Variants in GALNT7 observed in about 807,000 individuals in gnomAD.
The protein encoded by GALNT7 is polypeptide N-acetylgalactosaminyltransferase 7.
A neutral mutation model predicts 82.1 loss-of-function variants in GALNT7; 60 were observed. The observed-to-expected ratio is 0.73, with a 90% confidence interval of 0.59 to 0.91. The LOEUF (loss-of-function observed/expected upper bound fraction) is 0.91, where lower values mean the gene tolerates loss of function less well. GALNT7 is among the 40% of genes least tolerant of loss of function. GALNT7 has a pLI of 0.00. For synonymous variants in GALNT7, 243 were observed against 275.1 expected (o/e 0.88, Z 1.15); for missense variants, 660 against 804.2 (o/e 0.82, Z 2.17).
intron 1 of GALNT7, among the ~76,000 whole-genome samples, chr4:173,210,563 C>A (rs1733246389): frequency 6.6e-6 from 1 of 152,136 alleles, no homozygotes; most frequent in African/African-American, 2.4e-5. Context: ...TAGCGATCCA[C>A]CTGCCTCGGC....
At chr4:173,258,889 T>C (rs1735144609) in intron 2 of GALNT7, among the ~76,000 whole-genome samples, 1 of 152,230 alleles carries the variant, frequency 6.6e-6, no homozygotes, top group African/African-American at 2.4e-5. Flanking sequence ...TAGTGTGTCA[T>C]TATTGCAGAA....
At chr4:173,194,481 A>C (rs566390964) in intron 1 of GALNT7, among the ~76,000 whole-genome samples, 5 of 152,388 alleles carry the variant, frequency 3.3e-5, no homozygotes, top group Admixed American at 2.0e-4. Flanking sequence ...ATGTAAATTT[A>C]GGAATTTATC....
intron 8 of GALNT7, among the ~76,000 whole-genome samples, chr4:173,309,189 T>A (rs1489473100): frequency 6.6e-6 from 1 of 152,034 alleles, no homozygotes; most frequent in African/African-American, 2.4e-5. Context: ...AGGATGAGCA[T>A]CCTCCCGGGC....
At chr4:173,276,254 C>T (rs1735906755) in intron 2 of GALNT7, among the ~76,000 whole-genome samples, 1 of 152,134 alleles carries the variant, frequency 6.6e-6, no homozygotes, top group Admixed American at 6.5e-5. Flanking sequence ...TGACATAATA[C>T]ATGAAAATGC....
chr4:173,197,940 C>T (rs887471408), intron 1 of GALNT7, among the ~76,000 whole-genome samples: 4 of 152,210 alleles, frequency 2.6e-5, no homozygotes, highest in African/African-American at 9.6e-5. Context: ...TTGTGCCCCT[C>T]TCCCAGGGCT....
chr4:173,315,628 C>G (rs1394230542), intron 9 of GALNT7, among the ~76,000 whole-genome samples: 1 of 152,148 alleles, frequency 6.6e-6, no homozygotes, highest in Non-Finnish European at 1.5e-5. Flanking sequence ...ATGCTGCTCT[C>G]TCTGTACTTC....
chr4:173,262,843 C>T (rs1457725254), intron 2 of GALNT7, among the ~76,000 whole-genome samples: 2 of 152,126 alleles, frequency 1.3e-5, no homozygotes, highest in East Asian at 3.8e-4. Flanking sequence ...GGCATACACT[C>T]AAGGGATTTA....
At chr4:173,247,311 T>C (rs1734678555) in intron 1 of GALNT7, among the ~76,000 whole-genome samples, 1 of 151,140 alleles carries the variant, frequency 6.6e-6, no homozygotes, top group Non-Finnish European at 1.5e-5. Flanking sequence ...ACAAAGAATC[T>C]GTTTTGACCC....
intron 1 of GALNT7, among the ~76,000 whole-genome samples, chr4:173,238,785 G>T (rs529170564): frequency 2.6e-5 from 4 of 152,236 alleles, no homozygotes; most frequent in African/African-American, 7.2e-5. Flanking sequence ...CTGAAAGATA[G>T]AACTTACATA....
At chr4:173,187,310 T>C (rs1208304082) in intron 1 of GALNT7, among the ~76,000 whole-genome samples, 1 of 151,974 alleles carries the variant, frequency 6.6e-6, no homozygotes. Context: ...TGTTAGGATA[T>C]GTATAGATTT....
chr4:173,200,768 A>G (rs1464926448), intron 1 of GALNT7, among the ~76,000 whole-genome samples: 8 of 152,246 alleles, frequency 5.3e-5, no homozygotes, highest in Admixed American at 5.2e-4. Flanking sequence ...CAAAGATCCT[A>G]TCATCCTGAA....
intron 1 of GALNT7, among the ~76,000 whole-genome samples, chr4:173,231,107 T>C (rs1734018666): frequency 6.6e-6 from 1 of 152,220 alleles, no homozygotes; most frequent in Non-Finnish European, 1.5e-5. Flanking sequence ...TCCTTACTTA[T>C]GGGACAGACT....
intron 1 of GALNT7, among the ~76,000 whole-genome samples, chr4:173,210,491 T>C (rs1289234389): frequency 6.6e-6 from 1 of 152,208 alleles, no homozygotes; most frequent in Non-Finnish European, 1.5e-5. Context: ...TCTTGCTCTG[T>C]CGCCCAGGCT....
intron 5 of GALNT7, chr4:173,297,867 G>A: frequency 6.6e-7 from 1 of 1,505,416 alleles, no homozygotes; most frequent in South Asian, 1.3e-5. Context: ...AGCAAGGTGG[G>A]GATGAAGATG....
At chr4:173,304,450 G>T (rs1737071504) in intron 8 of GALNT7, among the ~76,000 whole-genome samples, 1 of 151,348 alleles carries the variant, frequency 6.6e-6, no homozygotes, top group Non-Finnish European at 1.5e-5. Context: ...AGTAAATATT[G>T]TATGTATCTT....
At chr4:173,199,773 G>A (rs1732884614) in intron 1 of GALNT7, among the ~76,000 whole-genome samples, 1 of 152,212 alleles carries the variant, frequency 6.6e-6, no homozygotes, top group Non-Finnish European at 1.5e-5. Context: ...GGTGGGTGGT[G>A]ATAGTTGGTA....
intron 2 of GALNT7, among the ~76,000 whole-genome samples, chr4:173,273,657 C>T (rs768303860): frequency 2.0e-5 from 3 of 152,180 alleles, no homozygotes; most frequent in Non-Finnish European, 2.9e-5. Context: ...CATTGTCAGT[C>T]GTACCCCAGA....
intron 1 of GALNT7, among the ~76,000 whole-genome samples, chr4:173,246,592 T>C (rs1397397251): frequency 6.6e-6 from 1 of 152,204 alleles, no homozygotes; most frequent in Non-Finnish European, 1.5e-5. Context: ...TAAAAATTTC[T>C]TTTTGAACTC....
chr4:173,212,479 G>A (rs957573795), intron 1 of GALNT7, among the ~76,000 whole-genome samples: 8 of 152,128 alleles, frequency 5.3e-5, no homozygotes, highest in Non-Finnish European at 7.4e-5. Context: ...TCACTTGAAA[G>A]AGGCTTCAGT....
Sources: gnomAD v4.1 joint callset for allele counts (sites outside exome capture counted in the v4.1 genomes callset) on GRCh38, gnomAD v4.1.1 for gene constraint, MANE v1.5 for transcripts, NCBI Gene and HGNC (gene_info 2026-07-23, HGNC 2026-07-21) for gene names.